Variants in GARNL3 observed in about 807,000 individuals in gnomAD.
The protein encoded by GARNL3 is GTPase activating Rap/RanGAP domain like 3, also known as GTPase-activating Rap/Ran-GAP domain-like protein 3.
A neutral mutation model predicts 125.0 loss-of-function variants in GARNL3; 63 were observed. That is an observed-to-expected ratio of 0.50 (90% CI 0.41 to 0.62). The LOEUF (loss-of-function observed/expected upper bound fraction) is 0.62. GARNL3 is among the 20% of genes least tolerant of loss of function. The pLI is 0.00. For missense variants in GARNL3, 994 were observed against 1,244.0 expected (o/e 0.80, Z 3.02); for synonymous variants, 439 against 457.5 (o/e 0.96, Z 0.52).
intron 1 of GARNL3, chr9:127,225,298 C>G (rs2062886132): frequency 2.0e-6 from 2 of 977,110 alleles, no homozygotes; most frequent in African/African-American, 1.8e-5. Context: ...AGCCCGCGGC[C>G]CCCGCCCGGG....
chr9:127,241,764 T>G (rs1171468996), intron 1 of GARNL3, among the ~76,000 whole-genome samples: 1 of 151,876 alleles, frequency 6.6e-6, no homozygotes, highest in Non-Finnish European at 1.5e-5. Context: ...TTTGTTTGTT[T>G]GTTTGTTTTG....
At chr9:127,306,435 C>T (rs2064955353) in intron 2 of GARNL3, among the ~76,000 whole-genome samples, 1 of 151,776 alleles carries the variant, frequency 6.6e-6, no homozygotes, top group Admixed American at 6.6e-5. Flanking sequence ...ATACAAAATG[C>T]AGTCAAGTGT....
chr9:127,233,879 G>C, intron 1 of GARNL3, among the ~76,000 whole-genome samples: 1 of 152,192 alleles, frequency 6.6e-6, no homozygotes, highest in East Asian at 1.9e-4. Flanking sequence ...TATGTTTCTT[G>C]GGACTCTTAG....
At chr9:127,235,694 T>A (rs1011947041) in intron 1 of GARNL3, among the ~76,000 whole-genome samples, 4 of 152,240 alleles carry the variant, frequency 2.6e-5, no homozygotes, top group Admixed American at 2.0e-4. Flanking sequence ...CTGTGTCATA[T>A]GTTGATAGGT....
chr9:127,263,588 A>T, upstream of GARNL3: 2 of 642,624 alleles, frequency 3.1e-6, no homozygotes, highest in Non-Finnish European at 3.9e-6. Flanking sequence ...GGACATATTT[A>T]ATACAGATTG....
chr9:127,273,642 TG>T (rs200905395), intron 1 of GARNL3, among the ~76,000 whole-genome samples: 1,898 of 152,314 alleles, frequency 0.012, 25 homozygotes, highest in South Asian at 0.038. Context: ...CCTGCATTGA[TG>T]GACAGAGTGG....
At chr9:127,341,892 G>A (rs1206497934) in intron 13 of GARNL3, among the ~76,000 whole-genome samples, 2 of 152,182 alleles carry the variant, frequency 1.3e-5, no homozygotes, top group Non-Finnish European at 2.9e-5. Context: ...GGGCCAGGAA[G>A]GACCAGGAGG....
Position 127,392,077 on chromosome 9 carries a change from C to T in GARNL3, c.2871-1006C>T, listed in dbSNP as rs1832899497. Among the ~76,000 whole-genome samples the T allele has an allele frequency of 6.6e-6, 1 of 152,210 alleles. No individual in the cohort carries two copies. Among genetic ancestry groups the T allele is most frequent in the African/African-American group, 2.4e-5 (1 of 41,464 alleles). On this transcript the variant is annotated intron_variant, in intron 27 of 27. Transcript: ENST00000373387. The surrounding 1 kb of genome is among the most constrained non-coding windows in gnomAD (Gnocchi z 5.2). ...CCAACAAGCGTCCAGAAAATGACTG[C>T]ATTCCAGCATGGCAGGTGATGTGTA...
In GARNL3 at chr9:127,355,273, G is replaced by A. The variant is rs769090900; in HGVS notation, c.1760-24G>A. 3.1e-6 allele frequency: 5 copies of A among 1,609,096 alleles called. No homozygotes were observed. In the African/African-American group the frequency reaches 6.7e-5, roughly 22 times the overall value. Reference sequence around the variant, plus strand: ...TTCCACACCCGCATGTCATGTGTAAGGCATCATTTCTTTCTCCTCCCAGGC... The same window carrying A: ...TTCCACACCCGCATGTCATGTGTAAAGCATCATTTCTTTCTCCTCCCAGGC... On this transcript the variant is annotated intron_variant, in intron 19 of 27. Coordinates refer to ENST00000373387, the MANE Select transcript of GARNL3 (RefSeq NM_032293.5).
intron 22 of GARNL3, among the ~76,000 whole-genome samples, chr9:127,373,270 C>T (rs914252159): frequency 5.9e-5 from 9 of 152,158 alleles, no homozygotes; most frequent in African/African-American, 1.2e-4. Context: ...ATTGCTGTAG[C>T]GTACAGGCAT....
chr9:127,348,858 C>T (rs1489097075), intron 16 of GARNL3, 66 bp from the exon 17 acceptor site: 2 of 1,072,712 alleles, frequency 1.9e-6, no homozygotes, highest in Admixed American at 2.1e-5. Flanking sequence ...TGTACATTTC[C>T]ATTTGGTGGG....
chr9:127,291,339 C>A, intron 2 of GARNL3, 97 bp downstream of exon 2: 1 of 1,026,196 alleles, frequency 9.7e-7, no homozygotes, highest in South Asian at 1.4e-5. Flanking sequence ...GTAAATAGAG[C>A]TTTTCAGAGC....
Position 127,384,930 on chromosome 9 carries a change from A to G in GARNL3, c.2270-97A>G. ...AAGCAGCCAGAGGAATGAGAGATGG[A>G]AGTTTCTAGAGAAGTGAGTGTGACT... On this transcript the variant is annotated intron_variant, in intron 23 of 27. Coordinates refer to ENST00000373387, the MANE Select transcript of GARNL3 (RefSeq NM_032293.5). The surrounding 1 kb of genome is among the most constrained non-coding windows in gnomAD (Gnocchi z 4.0). 1.6e-6 allele frequency: 1 copy of G among 621,666 alleles called. No individual in the cohort carries two copies. The highest frequency in any genetic ancestry group is 2.9e-6 in the Non-Finnish European group (1 of 350,372). The allele number at this position is 621,666 out of a possible 1,614,324, so 38.5% of individuals were successfully genotyped here.
At chr9:127,259,359 G>A (rs75309624), upstream of GARNL3, among the ~76,000 whole-genome samples, 1,647 of 152,302 alleles carry the variant, frequency 0.011, 15 homozygotes, top group Non-Finnish European at 0.016. Flanking sequence ...TTAAATTGCC[G>A]AAGCAGAAGG....
chr9:127,391,982 G>T (rs916467856), intron 27 of GARNL3, among the ~76,000 whole-genome samples: 2 of 152,170 alleles, frequency 1.3e-5, no homozygotes, highest in Non-Finnish European at 2.9e-5. Flanking sequence ...GACTTAGTTG[G>T]GTATTAAGAT....
chr9:127,284,698 A>G (rs2064197291), intron 1 of GARNL3, among the ~76,000 whole-genome samples: 2 of 151,786 alleles, frequency 1.3e-5, no homozygotes, highest in African/African-American at 4.8e-5. Context: ...ATTGTTGTTC[A>G]CATCTGAATA....
intron 12 of GARNL3, among the ~76,000 whole-genome samples, chr9:127,338,410 T>C (rs1234973638): frequency 1.3e-5 from 2 of 152,180 alleles, no homozygotes; most frequent in African/African-American, 4.8e-5. Flanking sequence ...TGGGAACAGG[T>C]TTGATATATT....
intron 14 of GARNL3, 33 bp from the exon 15 acceptor site, chr9:127,344,202 T>C: frequency 1.4e-6 from 2 of 1,437,252 alleles, no homozygotes. Flanking sequence ...TAACAACTGT[T>C]TGTGGAATTC....
intron 1 of GARNL3, among the ~76,000 whole-genome samples, chr9:127,241,585 G>A (rs2063205009): frequency 6.6e-6 from 1 of 151,976 alleles, no homozygotes; most frequent in African/African-American, 2.4e-5. Flanking sequence ...CATGTGGCCT[G>A]CTGGGCCCAG....
Sources: allele counts gnomAD v4.1 joint callset (sites outside exome capture counted in the v4.1 genomes callset), GRCh38; gene constraint gnomAD v4.1.1; non-coding constraint Gnocchi (gnomAD v3.1); transcripts MANE v1.5; gene names NCBI Gene and HGNC (gene_info 2026-07-23, HGNC 2026-07-21).